Variants in SLC5A8 observed in about 807,000 individuals in gnomAD.
The protein encoded by SLC5A8 is solute carrier family 5 member 8, also known as sodium-coupled monocarboxylate transporter 1.
SLC5A8 carries 55 observed loss-of-function variants against 71.9 expected under a neutral mutation model. The ratio of observed to expected loss-of-function variants is 0.77; its 90% CI spans 0.62 to 0.96. The LOEUF (loss-of-function observed/expected upper bound fraction) is 0.96. Among genes scored for constraint, SLC5A8 ranks in the 40% least tolerant of loss-of-function variants. The pLI is 0.00. For synonymous variants in SLC5A8, 307 were observed against 276.1 expected (o/e 1.11, Z -1.11); for missense variants, 701 against 745.3 (o/e 0.94, Z 0.69).
chr12:101,184,361 A>G, intron 7 of SLC5A8, 139 bp from the exon 8 acceptor site: 2 of 691,330 alleles, frequency 2.9e-6, no homozygotes, highest in South Asian at 1.9e-5. Context: ...AATACCTAAA[A>G]TTAAACTGTT....
At chr12:101,208,289 G>A (rs1286005199) in intron 1 of SLC5A8, among the ~76,000 whole-genome samples, 1 of 152,154 alleles carries the variant, frequency 6.6e-6, no homozygotes, top group Admixed American at 6.5e-5. Context: ...TGTCACTAGA[G>A]CCCAGGCAGA....
At chr12:101,200,951 T>C (rs1244759786) in intron 3 of SLC5A8, among the ~76,000 whole-genome samples, 1 of 152,212 alleles carries the variant, frequency 6.6e-6, no homozygotes. Context: ...TGTCTATGCC[T>C]GTACCTACAG....
intron 5 of SLC5A8, among the ~76,000 whole-genome samples, chr12:101,192,121 C>T (rs543440880): frequency 1.8e-4 from 28 of 152,254 alleles, no homozygotes; most frequent in African/African-American, 6.7e-4. Flanking sequence ...GGGAAACTAC[C>T]ATTTCTCCAT....
intron 8 of SLC5A8, among the ~76,000 whole-genome samples, chr12:101,183,786 CA>C (rs1318496399): frequency 6.6e-6 from 1 of 152,032 alleles, no homozygotes; most frequent in African/African-American, 2.4e-5. Flanking sequence ...TCCAGTTGAC[CA>C]CGCTTCAGCC....
At chr12:101,176,865 C>G (rs1384359751) in intron 10 of SLC5A8, among the ~76,000 whole-genome samples, 3 of 151,702 alleles carry the variant, frequency 2.0e-5, no homozygotes, top group African/African-American at 7.2e-5. Flanking sequence ...ATCTAAGATC[C>G]CACCTCGAAA....
At position 101,190,515 on chromosome 12, in the gene SLC5A8, G is replaced by C; in HGVS notation, c.786C>G (p.Ser262=). The change falls in exon 6 of 15, where the codon TCC becomes TCG. Residue 262 remains serine, a synonymous_variant. Transcript: ENST00000536262. ...TWTSIYGVNQ[S]QVQRYISCKS... ...TACAAGAAATATATCTCTGCACCTG[G>C]GATTGGTTGACACCGTAGATGCTGG... is the stretch of plus-strand genomic sequence containing the variant. 1 of 1,612,984 alleles carries C rather than the reference G, an allele frequency of 6.2e-7. No homozygotes were observed. Among genetic ancestry groups the C allele is most frequent in the Non-Finnish European group, 8.5e-7 (1 of 1,179,634 alleles).
At chr12:101,194,955 C>T (rs1869099079) in intron 4 of SLC5A8, 140 bp downstream of exon 4, 3 of 732,698 alleles carry the variant, frequency 4.1e-6, no homozygotes, top group Non-Finnish European at 6.8e-6. Context: ...TTATTTCTCA[C>T]ACAAAAAAAG....
chr12:101,165,577 A>G (rs2051761027), intron 12 of SLC5A8, among the ~76,000 whole-genome samples: 1 of 151,998 alleles, frequency 6.6e-6, no homozygotes, highest in Admixed American at 6.6e-5. Context: ...ACTCTACCAT[A>G]CACAGCTTAC....
At chr12:101,170,006 G>A (rs879324817) in intron 10 of SLC5A8, among the ~76,000 whole-genome samples, 3 of 152,250 alleles carry the variant, frequency 2.0e-5, no homozygotes, top group Non-Finnish European at 4.4e-5. Context: ...CTTTAAATAA[G>A]TAATGTGTTA....
chr12:101,163,317 G>A (rs2051740073), intron 12 of SLC5A8, among the ~76,000 whole-genome samples: 1 of 152,162 alleles, frequency 6.6e-6, no homozygotes, highest in Non-Finnish European at 1.5e-5. Context: ...TCATTCTGCT[G>A]AGAACAATAT....
At position 101,184,115 on chromosome 12, in the gene SLC5A8, TTA is replaced by T; in HGVS notation, c.1052+17_1052+18del. ...ATCCCAACAGGGAAATCATATGTTA[TTA>T]GAGTCATAGTTCATACCTTAATGTC... On this transcript the variant is annotated intron_variant, in intron 8 of 14. Transcript: ENST00000536262. 6.2e-7 allele frequency: 1 copy of T among 1,600,170 alleles called. No individual in the cohort carries two copies. Among genetic ancestry groups the T allele is most frequent in the Non-Finnish European group, 8.6e-7 (1 of 1,168,762 alleles).
Position 101,190,459 on chromosome 12 carries a change from G to A in SLC5A8, c.833+9C>T. Reference sequence around the variant, plus strand: ...ATTAATGATTCATATACCATGGTGTGTGACTTACAGTTTTGCCTGGAATCT... The same window carrying A: ...ATTAATGATTCATATACCATGGTGTATGACTTACAGTTTTGCCTGGAATCT... On this transcript the variant is annotated intron_variant, in intron 6 of 14. Coordinates refer to ENST00000536262, the MANE Select transcript of SLC5A8 (RefSeq NM_145913.5). The A allele has an allele frequency of 1.9e-6, 3 of 1,611,698 alleles. No individual in the cohort carries two copies. Among genetic ancestry groups the A allele is most frequent in the Non-Finnish European group, 2.5e-6 (3 of 1,179,108 alleles).
At chr12:101,165,796 C>G (rs2051764549) in intron 12 of SLC5A8, among the ~76,000 whole-genome samples, 1 of 152,170 alleles carries the variant, frequency 6.6e-6, no homozygotes, top group South Asian at 2.1e-4. Flanking sequence ...GGGCAATACT[C>G]TAGGGGCAAT....
intron 10 of SLC5A8, among the ~76,000 whole-genome samples, chr12:101,173,102 T>G (rs1014038582): frequency 2.0e-5 from 3 of 152,250 alleles, no homozygotes; most frequent in African/African-American, 7.2e-5. Flanking sequence ...GGGACAGTTA[T>G]GTCTACCCAC....
intron 1 of SLC5A8, among the ~76,000 whole-genome samples, chr12:101,206,511 A>G (rs188332805): frequency 6.6e-6 from 1 of 152,214 alleles, no homozygotes; most frequent in South Asian, 2.1e-4. Flanking sequence ...AAGCCCAAGG[A>G]CCAACTCAAG....
rs533399724 is a variant in SLC5A8 at position 101,210,060 on chromosome 12, C to G, written c.-212G>C. 1.6e-5 allele frequency: 8 copies of G among 487,876 alleles called. No homozygotes were observed. Among genetic ancestry groups the G allele is most frequent in the African/African-American group, 1.4e-4 (7 of 49,026 alleles). 30.2% of individuals were successfully genotyped at this position (487,876 alleles called of 1,614,324 possible). A position where few individuals can be genotyped will look rare whatever the true frequency, so the allele number is the denominator to read the frequency against. ...CTGCACCCGCCGCTGCGAGCCGCGC[C>G]CCTCAAACCCAGGTATGGGACCTCG... is the stretch of plus-strand genomic sequence containing the variant. On this transcript the variant is annotated 5_prime_UTR_variant, in exon 1 of 15. Transcript: ENST00000536262.
chr12:101,170,052 T>C (rs1404382460), intron 10 of SLC5A8, among the ~76,000 whole-genome samples: 1 of 152,172 alleles, frequency 6.6e-6, no homozygotes, highest in Non-Finnish European at 1.5e-5. Flanking sequence ...GCTTAGGCAG[T>C]GGACGAGGTA....
intron 4 of SLC5A8, among the ~76,000 whole-genome samples, chr12:101,194,800 G>T (rs138521092): frequency 2.3e-4 from 35 of 152,184 alleles, no homozygotes; most frequent in African/African-American, 8.4e-4. Flanking sequence ...TTTAAGCTGA[G>T]GAATAGTATG....
At chr12:101,205,643 TAC>T (rs1265387018) in intron 1 of SLC5A8, among the ~76,000 whole-genome samples, 1 of 152,132 alleles carries the variant, frequency 6.6e-6, no homozygotes, top group Non-Finnish European at 1.5e-5. Context: ...GGCTAACACA[TAC>T]AGAGTACTTG....
Sources: allele counts gnomAD v4.1 joint callset (sites outside exome capture counted in the v4.1 genomes callset), GRCh38; gene constraint gnomAD v4.1.1; transcripts MANE v1.5; gene names NCBI Gene and HGNC (gene_info 2026-07-23, HGNC 2026-07-21).